MAN1A1: variants seen among roughly 807,000 people sequenced by gnomAD.
The protein encoded by MAN1A1 is mannosyl-oligosaccharide 1,2-alpha-mannosidase IA.
Under a neutral mutation model 70.8 loss-of-function variants are expected in MAN1A1, and 29 were observed. The observed-to-expected ratio is 0.41, with a 90% CI of 0.31 to 0.56. The LOEUF is 0.56. Ranked by LOEUF, MAN1A1 falls within the 20% of genes least tolerant of loss-of-function variation. The probability of loss-of-function intolerance (pLI) is 0.29; values close to 1 mark genes in which losing one functional copy is unlikely to be tolerated. For synonymous variants in MAN1A1, 349 were observed against 330.1 expected, an observed-to-expected ratio of 1.06 and a Z score of -0.62; for missense variants, 747 against 841.3, an observed-to-expected ratio of 0.89 and a Z score of 1.39.
intron 5 of MAN1A1, among the ~76,000 whole-genome samples, chr6:119,273,775 C>T (rs1463742584): frequency 6.6e-6 from 1 of 152,034 alleles, no homozygotes; most frequent in Non-Finnish European, 1.5e-5. Flanking sequence ...TAGGTATTAA[C>T]ATGATTTTCT....
At chr6:119,295,491 T>C (rs1331978919) in intron 4 of MAN1A1, among the ~76,000 whole-genome samples, 1 of 152,078 alleles carries the variant, frequency 6.6e-6, no homozygotes, top group African/African-American at 2.4e-5. Flanking sequence ...CCTTATGATG[T>C]TTATTTAGAG....
chr6:119,343,034 C>T (rs138195167), intron 2 of MAN1A1, among the ~76,000 whole-genome samples: 17 of 151,882 alleles, frequency 1.1e-4, no homozygotes, highest in African/African-American at 3.9e-4. Flanking sequence ...AAGCTTTCCC[C>T]GGGTGTCTTT....
At chr6:119,262,304 G>A (rs1775633405) in intron 5 of MAN1A1, among the ~76,000 whole-genome samples, 1 of 152,092 alleles carries the variant, frequency 6.6e-6, no homozygotes, top group Non-Finnish European at 1.5e-5. Flanking sequence ...GAGGGCAAAT[G>A]GCTGATAACC....
chr6:119,335,468 ATATACT>A (rs951905741), intron 2 of MAN1A1, among the ~76,000 whole-genome samples: 2 of 152,232 alleles, frequency 1.3e-5, no homozygotes, highest in African/African-American at 2.4e-5. Context: ...CATTTTGTTG[ATATACT>A]TAATCTGGGT....
chr6:119,349,413 G>T, intron 1 of MAN1A1, 126 bp from the exon 2 acceptor site: 2 of 921,282 alleles, frequency 2.2e-6, no homozygotes, highest in Non-Finnish European at 2.6e-6. Context: ...TGTCCAGTCC[G>T]GGCACCGCCC....
Position 119,227,911 on chromosome 6 carries a change from C to T in MAN1A1, c.992+20349G>A, listed in dbSNP as rs1774563737. Among the ~76,000 whole-genome samples the T allele has an allele frequency of 2.0e-5, 3 of 152,102 alleles. No homozygotes were observed. The South Asian group carries it at 6.2e-4, about 32-fold the overall frequency. ...AGTGAATTTAACAAAAAGTTTTACT[C>T]ACTAAAATTTTAAGAGAATGCACTA... On this transcript the variant is annotated intron_variant, in intron 6 of 12. Coordinates refer to ENST00000368468, the MANE Select transcript of MAN1A1 (RefSeq NM_005907.4).
chr6:119,309,416 C>T (rs928817862), intron 2 of MAN1A1, among the ~76,000 whole-genome samples: 1 of 152,166 alleles, frequency 6.6e-6, no homozygotes, highest in African/African-American at 2.4e-5. Context: ...AGCTGAGTGG[C>T]GATGAGGATA....
intron 2 of MAN1A1, among the ~76,000 whole-genome samples, chr6:119,331,739 A>T (rs1282255225): frequency 6.6e-6 from 1 of 152,056 alleles, no homozygotes; most frequent in Non-Finnish European, 1.5e-5. Flanking sequence ...TGTCTGCCAC[A>T]AGCTGGGGTG....
chr6:119,346,019 T>C (rs1052952204), intron 2 of MAN1A1, among the ~76,000 whole-genome samples: 16 of 152,186 alleles, frequency 1.1e-4, no homozygotes, highest in African/African-American at 3.6e-4. Flanking sequence ...GGCAGGAGAA[T>C]TGCTTGAACC....
chr6:119,349,406 C>T, intron 1 of MAN1A1, 119 bp from the exon 2 acceptor site: 1 of 922,110 alleles, frequency 1.1e-6, no homozygotes, highest in Non-Finnish European at 1.3e-6. Flanking sequence ...AGAGTCCTGT[C>T]CAGTCCGGGC....
intron 11 of MAN1A1, among the ~76,000 whole-genome samples, chr6:119,185,334 A>G (rs540251699): frequency 1.3e-5 from 2 of 152,348 alleles, no homozygotes; most frequent in South Asian, 4.1e-4. Flanking sequence ...GCTGGATTAT[A>G]TACCTTTTCA....
intron 6 of MAN1A1, among the ~76,000 whole-genome samples, chr6:119,232,679 A>ATATG (rs3220224): frequency 7.0e-6 from 1 of 143,396 alleles, no homozygotes; most frequent in East Asian, 2.3e-4. Flanking sequence ...ACACATATAT[A>ATATG]TGTGTGTGTG....
intron 5 of MAN1A1, among the ~76,000 whole-genome samples, chr6:119,279,980 C>T (rs1715342285): frequency 6.6e-6 from 1 of 152,210 alleles, no homozygotes; most frequent in South Asian, 2.1e-4. Context: ...CAGAACTGAA[C>T]ATCTGTTTTC....
At chr6:119,328,758 T>C (rs756701071) in intron 2 of MAN1A1, among the ~76,000 whole-genome samples, 9 of 152,198 alleles carry the variant, frequency 5.9e-5, no homozygotes, top group Admixed American at 3.3e-4. Context: ...CATCACATAA[T>C]GAAGCAGCAA....
At chr6:119,266,609 T>TA (rs1775761402) in intron 5 of MAN1A1, among the ~76,000 whole-genome samples, 2 of 152,116 alleles carry the variant, frequency 1.3e-5, no homozygotes, top group Admixed American at 6.5e-5. Context: ...ATCATAGACC[T>TA]AAATGTAAAA....
chr6:119,277,562 C>A (rs1776100921), intron 5 of MAN1A1, among the ~76,000 whole-genome samples: 1 of 152,016 alleles, frequency 6.6e-6, no homozygotes. Flanking sequence ...TGGCTCACAT[C>A]TATAGTCCTA....
intron 2 of MAN1A1, among the ~76,000 whole-genome samples, chr6:119,315,942 T>C (rs995084592): frequency 3.9e-5 from 6 of 152,204 alleles, no homozygotes; most frequent in African/African-American, 1.4e-4. Context: ...TTTTGGTCTG[T>C]TTATTCGGCA....
intron 5 of MAN1A1, among the ~76,000 whole-genome samples, chr6:119,275,346 G>A (rs1254070060): frequency 9.3e-6 from 1 of 107,220 alleles, no homozygotes; most frequent in Non-Finnish European, 1.8e-5. Context: ...TCGCTCTGTC[G>A]CCCAGGCTGG....
At chr6:119,347,456 G>C (rs1224178720) in intron 2 of MAN1A1, among the ~76,000 whole-genome samples, 2 of 152,302 alleles carry the variant, frequency 1.3e-5, no homozygotes, top group East Asian at 3.9e-4. Context: ...GATTTGGAAT[G>C]ACATGCTTTT....
Sources: allele counts gnomAD v4.1 joint callset (sites outside exome capture counted in the v4.1 genomes callset), GRCh38; gene constraint gnomAD v4.1.1; transcripts MANE v1.5; gene names NCBI Gene and HGNC (gene_info 2026-07-23, HGNC 2026-07-21).